MICU1: variants seen among roughly 807,000 people sequenced by gnomAD.
MICU1 encodes calcium uptake protein 1, mitochondrial.
In MICU1, 45 loss-of-function variants were observed where a neutral mutation model predicts 56.8. That is an observed-to-expected ratio of 0.79 (90% CI 0.62 to 1.02). The LOEUF is 1.02. Ranked by LOEUF, MICU1 falls within the 50% of genes least tolerant of loss-of-function variation. The pLI is 0.00. For missense variants in MICU1, 504 were observed against 587.1 expected (o/e 0.86, Z 1.46); for synonymous variants, 186 against 195.1 (o/e 0.95, Z 0.39).
chr10:72,508,210 TC>T lies in MICU1; in HGVS notation c.596del (p.Gly199GlufsTer34). 6.4e-7 allele frequency: 1 copy of T among 1,552,772 alleles called. No individual in the cohort carries two copies. ...ADEGSIFYTL[G>X]ECGLISFSDY... is the part of the protein sequence containing the mutation. ...CTGAAAAGGATATGAGCCCACATTC[TC>T]CAAGGGTGTAAAATATACTGCCTTC... On this transcript the variant is annotated frameshift_variant, in exon 6 of 12. Coordinates refer to ENST00000361114, the MANE Select transcript of MICU1 (RefSeq NM_001195518.2). LOFTEE classifies it high-confidence loss of function.
At chr10:72,590,402 T>G (rs1378320911) in intron 1 of MICU1, among the ~76,000 whole-genome samples, 1 of 152,078 alleles carries the variant, frequency 6.6e-6, no homozygotes, top group Non-Finnish European at 1.5e-5. Context: ...CATCAAAATA[T>G]GAAGCAAAAC....
intron 9 of MICU1, among the ~76,000 whole-genome samples, chr10:72,416,553 G>A (rs12771888): frequency 0.5 from 76,612 of 152,036 alleles, 21,242 homozygotes; most frequent in Non-Finnish European, 0.65. Context: ...ACAATCTAAT[G>A]GTTTTATTAG....
At chr10:72,477,631 G>A (rs760115073) in intron 6 of MICU1, 5 of 1,235,558 alleles carry the variant, frequency 4.0e-6, no homozygotes, top group Non-Finnish European at 5.7e-6. Context: ...TCTAGGGTGA[G>A]ACATATTGCT....
intron 6 of MICU1, among the ~76,000 whole-genome samples, chr10:72,500,603 T>G (rs1867038757): frequency 6.6e-6 from 1 of 151,974 alleles, no homozygotes; most frequent in South Asian, 2.1e-4. Flanking sequence ...ATTACAAGCA[T>G]GAGCCACTGT....
chr10:72,591,988 C>A (rs1353224940), intron 1 of MICU1, among the ~76,000 whole-genome samples: 1 of 150,504 alleles, frequency 6.6e-6, no homozygotes, highest in Non-Finnish European at 1.5e-5. Context: ...CCAGCCTGGG[C>A]GACAAAGTGA....
At chr10:72,609,793 T>C (rs1298935717) in intron 1 of MICU1, among the ~76,000 whole-genome samples, 3 of 149,586 alleles carry the variant, frequency 2.0e-5, no homozygotes, top group African/African-American at 7.4e-5. Flanking sequence ...TCCAGCACTT[T>C]GGGAGGCCTA....
intron 8 of MICU1, among the ~76,000 whole-genome samples, chr10:72,447,849 T>G (rs1865153287): frequency 6.6e-6 from 1 of 152,142 alleles, no homozygotes; most frequent in Non-Finnish European, 1.5e-5. Context: ...TGCTTTTACC[T>G]GGATGAACTG....
intron 11 of MICU1, among the ~76,000 whole-genome samples, chr10:72,371,378 C>A (rs1431642904): frequency 8.9e-6 from 1 of 112,420 alleles, no homozygotes; most frequent in East Asian, 2.3e-4. Flanking sequence ...CACAGCGAGA[C>A]TCCGTCTCAA....
At chr10:72,426,742 T>C (rs1298667188) in intron 8 of MICU1, among the ~76,000 whole-genome samples, 1 of 152,122 alleles carries the variant, frequency 6.6e-6, no homozygotes, top group African/African-American at 2.4e-5. Flanking sequence ...ATAACACAAA[T>C]GTTCCAAAAT....
Position 72,497,495 on chromosome 10 carries a change from C to T in MICU1, c.652+10660G>A, listed in dbSNP as rs182729382. Among the ~76,000 whole-genome samples, 70 of 152,294 alleles carry T rather than the reference C, an allele frequency of 4.6e-4. No homozygotes were observed. In the East Asian group the frequency reaches 0.01, roughly 22 times the overall value. On this transcript the variant is annotated intron_variant, in intron 6 of 11. Coordinates refer to ENST00000361114, the MANE Select transcript of MICU1 (RefSeq NM_001195518.2). ...ACAGATGGACCAATACATTTGATTC[C>T]GGTCTCGCTTCTAAGAGGCAGACAA... is the stretch of plus-strand genomic sequence containing the variant.
At chr10:72,486,310 T>A (rs1866473009) in intron 6 of MICU1, among the ~76,000 whole-genome samples, 1 of 152,300 alleles carries the variant, frequency 6.6e-6, no homozygotes, top group African/African-American at 2.4e-5. Flanking sequence ...CAAATATGTA[T>A]CTTTAGGACT....
At chr10:72,485,279 T>C (rs1866430323) in intron 6 of MICU1, among the ~76,000 whole-genome samples, 2 of 152,068 alleles carry the variant, frequency 1.3e-5, no homozygotes. Flanking sequence ...GGGCTTGCTA[T>C]GTTGCCCGGG....
At chr10:72,373,524 G>C (rs996128275) in intron 11 of MICU1, among the ~76,000 whole-genome samples, 1 of 151,942 alleles carries the variant, frequency 6.6e-6, no homozygotes, top group Non-Finnish European at 1.5e-5. Flanking sequence ...AAATAACAAC[G>C]GCTTTTTGTT....
chr10:72,514,216 T>C (rs944133738), intron 5 of MICU1, among the ~76,000 whole-genome samples: 16 of 152,218 alleles, frequency 1.1e-4, no homozygotes, highest in African/African-American at 3.6e-4. Context: ...TCTATGTATC[T>C]ATTGAAATTT....
chr10:72,611,842 C>T (rs909820312), intron 1 of MICU1, among the ~76,000 whole-genome samples: 2 of 151,954 alleles, frequency 1.3e-5, no homozygotes, highest in Non-Finnish European at 2.9e-5. Flanking sequence ...ACAACGCTAT[C>T]TGGGCACTGT....
In MICU1 at chr10:72,524,570, T is replaced by C. The variant is rs564265466; in HGVS notation, c.537+9176A>G. The stretch of plus-strand genomic sequence containing the variant: ...TGGGACTTGTGCAGTGCTTGGATTG[T>C]CATATTAAAGATAAAGTATGTTAAT... On this transcript the variant is annotated intron_variant, in intron 5 of 11. Transcript: ENST00000361114. 5.3e-5 allele frequency among the ~76,000 whole-genome samples: 8 copies of C among 152,318 alleles called. No homozygotes were observed. In the South Asian group the frequency reaches 1.7e-3, roughly 32 times the overall value.
chr10:72,503,320 A>G (rs1181297895), intron 6 of MICU1, among the ~76,000 whole-genome samples: 1 of 152,200 alleles, frequency 6.6e-6, no homozygotes, highest in Non-Finnish European at 1.5e-5. Flanking sequence ...TCATAATTAA[A>G]AAGAACATGT....
intron 2 of MICU1, 95 bp from the exon 3 acceptor site, chr10:72,563,158 G>T: frequency 1.1e-6 from 1 of 946,490 alleles, no homozygotes; most frequent in Non-Finnish European, 1.4e-6. Flanking sequence ...CAACAGCAAT[G>T]AAATTTGTCA....
At chr10:72,550,596 A>G (rs1028803886) in intron 4 of MICU1, among the ~76,000 whole-genome samples, 2 of 152,242 alleles carry the variant, frequency 1.3e-5, no homozygotes, top group African/African-American at 2.4e-5. Flanking sequence ...GACTATGGTC[A>G]CAACATTTTC....
Sources: allele counts gnomAD v4.1 joint callset (sites outside exome capture counted in the v4.1 genomes callset), GRCh38; gene constraint gnomAD v4.1.1; transcripts MANE v1.5; gene names NCBI Gene and HGNC (gene_info 2026-07-23, HGNC 2026-07-21).